Variants in GAB4 observed in about 807,000 individuals in gnomAD.
The protein encoded by GAB4 is GRB2 associated binding protein family member 4.
A neutral mutation model predicts 51.3 loss-of-function variants in GAB4; 26 were observed. The ratio of observed to expected loss-of-function variants is 0.51; its 90% CI spans 0.37 to 0.70. The LOEUF (loss-of-function observed/expected upper bound fraction) is 0.70. GAB4 is among the 30% of genes least tolerant of loss of function. GAB4 has a pLI of 0.00. For synonymous variants in GAB4, 329 were observed against 291.2 expected (o/e 1.13, Z -1.32); for missense variants, 759 against 734.6 (o/e 1.03, Z -0.38).
chr22:16,966,038 G>A (rs2060669504), intron 6 of GAB4, 62 bp downstream of exon 6: 3 of 1,497,598 alleles, frequency 2.0e-6, no homozygotes, highest in Non-Finnish European at 2.8e-6. Context: ...GGATCCACCT[G>A]ACACCTAAGC....
intron 5 of GAB4, 39 bp downstream of exon 5, chr22:16,968,259 C>A: frequency 7.0e-7 from 1 of 1,420,238 alleles, no homozygotes; most frequent in Non-Finnish European, 1.0e-6. Context: ...CTTTACCTCC[C>A]TGAGCCAGTC....
In GAB4 at chr22:16,970,204, G is replaced by A. The variant is rs370087047; in HGVS notation, c.687-11C>T. The A allele has an allele frequency of 3.7e-5, 60 of 1,613,464 alleles. No individual in the cohort carries two copies. Among genetic ancestry groups the A allele is most frequent in the Non-Finnish European group, 4.3e-5 (51 of 1,179,620 alleles). On this transcript the variant is annotated splice_polypyrimidine_tract_variant and intron_variant, in intron 3 of 9. Coordinates refer to ENST00000400588, the MANE Select transcript of GAB4 (RefSeq NM_001037814.1). ...GAGAAGCTGGCACTCCTAAGAGAGA[G>A]AAAGAAGGGAAGGGGCAGGGGTGAG... is the stretch of plus-strand genomic sequence containing the variant.
At chr22:16,986,045 C>A (rs1344462607) in intron 3 of GAB4, among the ~76,000 whole-genome samples, 1 of 152,206 alleles carries the variant, frequency 6.6e-6, no homozygotes, top group Non-Finnish European at 1.5e-5. Flanking sequence ...AGGAATTTCA[C>A]AGAGGAGGAA....
chr22:16,976,793 G>C (rs1007416485), intron 3 of GAB4, among the ~76,000 whole-genome samples: 2 of 152,124 alleles, frequency 1.3e-5, no homozygotes, highest in African/African-American at 4.8e-5. Context: ...ATCCACAAAG[G>C]GCAGCCCATC....
intron 1 of GAB4, among the ~76,000 whole-genome samples, chr22:17,005,223 C>T (rs2061030812): frequency 6.6e-6 from 1 of 152,026 alleles, no homozygotes; most frequent in African/African-American, 2.4e-5. Context: ...AAATAGAGAG[C>T]CAAATCATGA....
At chr22:17,003,059 C>A (rs1321563762) in intron 1 of GAB4, among the ~76,000 whole-genome samples, 1 of 152,042 alleles carries the variant, frequency 6.6e-6, no homozygotes, top group East Asian at 1.9e-4. Context: ...ACACTTTAAA[C>A]CAACAAACAT....
intron 1 of GAB4, among the ~76,000 whole-genome samples, chr22:16,996,071 C>T (rs1486748258): frequency 6.6e-6 from 1 of 151,786 alleles, no homozygotes; most frequent in Non-Finnish European, 1.5e-5. Flanking sequence ...TAAATGGTTA[C>T]AGGAACTGCT....
intron 3 of GAB4, among the ~76,000 whole-genome samples, chr22:16,978,843 T>C (rs1263104870): frequency 6.6e-6 from 1 of 152,162 alleles, no homozygotes; most frequent in Non-Finnish European, 1.5e-5. Flanking sequence ...ATGATCAAAC[T>C]GGCTTCTTTC....
intron 3 of GAB4, among the ~76,000 whole-genome samples, chr22:16,984,874 T>C (rs938003955): frequency 1.3e-5 from 2 of 152,192 alleles, no homozygotes; most frequent in Non-Finnish European, 2.9e-5. Flanking sequence ...CTGGTTCCTC[T>C]ACCTAGAAAG....
At chr22:17,002,190 C>T (rs1242252010) in intron 1 of GAB4, among the ~76,000 whole-genome samples, 2 of 152,166 alleles carry the variant, frequency 1.3e-5, no homozygotes, top group South Asian at 2.1e-4. Flanking sequence ...CCCAGTGCCT[C>T]AGTTGGAAAT....
intron 1 of GAB4, among the ~76,000 whole-genome samples, chr22:17,006,047 T>C (rs4819548): frequency 0.093 from 14,173 of 152,264 alleles, 717 homozygotes; most frequent in African/African-American, 0.11. Flanking sequence ...AAAGAGCTTC[T>C]GCATAGCAAA....
In GAB4 at chr22:16,992,020, T is replaced by A; in HGVS notation, c.331A>T (p.Asn111Tyr). The change falls in exon 2 of 10, where the codon AAC becomes TAC. Residue 111 changes from asparagine (N) to tyrosine (Y), a missense_variant. Transcript: ENST00000400588. ...QLDVDVTLNF[N>Y]KKEIQKGYMF... ...TAGCCCTTCTGAATCTCCTTCTTGT[T>A]GAAGTTCAGAGTCACATCAACATCC... 6.2e-7 allele frequency: 1 copy of A among 1,614,226 alleles called. No individual in the cohort carries two copies. The highest frequency in any genetic ancestry group is 8.5e-7 in the Non-Finnish European group (1 of 1,180,042).
At chr22:16,975,891 T>G (rs1461471448) in intron 3 of GAB4, among the ~76,000 whole-genome samples, 1 of 152,146 alleles carries the variant, frequency 6.6e-6, no homozygotes, top group African/African-American at 2.4e-5. Flanking sequence ...ATACAGAGTC[T>G]GGAGTGGACC....
rs1400366084 is a variant in GAB4, at chr22:16,997,167, G to A, written c.175-4991C>T. Among the ~76,000 whole-genome samples, 3 of 152,292 alleles carry A rather than the reference G, an allele frequency of 2.0e-5. No individual in the cohort carries two copies. The East Asian group carries it at 5.8e-4, about 29-fold the overall frequency. ...CCTTTGGGTATATACCCAGTAATGG[G>A]ATTGCTGGGTCAAATGGTATTTCTA... On this transcript the variant is annotated intron_variant, in intron 1 of 9. Transcript: ENST00000400588.
At chr22:16,980,717 T>C (rs558616246) in intron 3 of GAB4, among the ~76,000 whole-genome samples, 50 of 152,340 alleles carry the variant, frequency 3.3e-4, no homozygotes, top group African/African-American at 1.2e-3. Context: ...CGTATGTTTA[T>C]TGCAGCACTA....
chr22:16,962,969 C>G, intron 9 of GAB4, 93 bp from the exon 10 acceptor site: 1 of 1,266,376 alleles, frequency 7.9e-7, no homozygotes, highest in Non-Finnish European at 1.1e-6. Flanking sequence ...CAAACTTTCT[C>G]AGGGGGAAGG....
At chr22:16,991,254 T>C (rs2060911295) in intron 2 of GAB4, among the ~76,000 whole-genome samples, 1 of 150,854 alleles carries the variant, frequency 6.6e-6, no homozygotes, top group South Asian at 2.1e-4. Context: ...TGTCCCTCCT[T>C]AATTCTGATG....
Position 16,992,135 on chromosome 22 carries a change from A to T in GAB4, c.216T>A (p.Thr72=), listed in dbSNP as rs1408511996. The part of the protein sequence containing the change: ...KRWFILRRGQ[T]SSDPDVLEYY... ...ATTCCAGAACATCTGGGTCACTGCT[A>T]GTCTGGCCCCTCCGCAGGATAAACC... is the stretch of plus-strand genomic sequence containing the variant. The change falls in exon 2 of 10, where the codon ACT becomes ACA. Residue 72 remains threonine (T), a synonymous_variant. Coordinates refer to ENST00000400588, the MANE Select transcript of GAB4 (RefSeq NM_001037814.1). The T allele has an allele frequency of 6.2e-7, 1 of 1,613,596 alleles. No individual in the cohort carries two copies. The highest frequency in any genetic ancestry group is 1.3e-5 in the African/African-American group (1 of 74,918).
At position 16,981,555 on chromosome 22, in the gene GAB4, A is replaced by C. The variant is rs77954289; in HGVS notation, c.686+6405T>G. ...TACAGATTAATTCCTACACAAATAC[A>C]ACCTAGCAAGGTTGAATCATGAAGA... On this transcript the variant is annotated intron_variant, in intron 3 of 9. Coordinates refer to ENST00000400588, the MANE Select transcript of GAB4 (RefSeq NM_001037814.1). 4.2e-3 allele frequency among the ~76,000 whole-genome samples: 642 copies of C among 152,296 alleles called. 4 individuals carry two copies. The highest frequency in any genetic ancestry group is 0.015 in the African/African-American group (623 of 41,568).
Sources: allele counts gnomAD v4.1 joint callset (sites outside exome capture counted in the v4.1 genomes callset), GRCh38; gene constraint gnomAD v4.1.1; transcripts MANE v1.5; gene names NCBI Gene and HGNC (gene_info 2026-07-23, HGNC 2026-07-21).